RGS7: variants seen among roughly 807,000 people sequenced by gnomAD.
RGS7 encodes regulator of G protein signaling 7.
In RGS7, 27 loss-of-function variants were observed where a neutral mutation model predicts 81.1. That is an observed-to-expected ratio of 0.33 (90% CI 0.25 to 0.46). RGS7 has a LOEUF of 0.46. Ranked by LOEUF, RGS7 falls within the 20% of genes least tolerant of loss-of-function variation. RGS7 has a pLI of 1.00. For missense variants in RGS7, 396 were observed against 607.4 expected (o/e 0.65, Z 3.66); for synonymous variants, 208 against 207.7 (o/e 1.00, Z -0.01).
At chr1:241,124,932 C>T (rs1025809200) in intron 2 of RGS7, among the ~76,000 whole-genome samples, 14 of 152,256 alleles carry the variant, frequency 9.2e-5, no homozygotes, top group African/African-American at 3.4e-4. Flanking sequence ...TGGTTATATA[C>T]AGAAGTGTGA....
At chr1:240,792,134 G>C (rs1014877429) in intron 18 of RGS7, among the ~76,000 whole-genome samples, 3 of 152,186 alleles carry the variant, frequency 2.0e-5, no homozygotes, top group Non-Finnish European at 2.9e-5. Flanking sequence ...AAGTGATAAT[G>C]CAACATAATG....
At chr1:241,348,353 G>A (rs2083036172) in intron 2 of RGS7, among the ~76,000 whole-genome samples, 1 of 152,104 alleles carries the variant, frequency 6.6e-6, no homozygotes, top group Admixed American at 6.5e-5. Flanking sequence ...GGTTCCAAGA[G>A]CTAAACTACA....
At chr1:241,092,253 C>T (rs1233186467) in intron 3 of RGS7, among the ~76,000 whole-genome samples, 1 of 152,258 alleles carries the variant, frequency 6.6e-6, no homozygotes, top group African/African-American at 2.4e-5. Context: ...TAAAATAGTA[C>T]CACAAATGAA....
chr1:240,860,571 A>G (rs1429732577), intron 9 of RGS7, among the ~76,000 whole-genome samples: 2 of 152,136 alleles, frequency 1.3e-5, no homozygotes, highest in East Asian at 3.9e-4. Flanking sequence ...ATTTTAATGG[A>G]TTTGTACACA....
At chr1:241,242,306 GTAGATAGATAGATAGA>G (rs58976335) in intron 2 of RGS7, among the ~76,000 whole-genome samples, 16 of 147,560 alleles carry the variant, frequency 1.1e-4, no homozygotes, top group South Asian at 6.6e-4. Flanking sequence ...CTATGGATGA[GTAGATAGATAGATAGA>G]TAGATAGATA....
At chr1:241,309,360 T>G (rs1284817603) in intron 2 of RGS7, among the ~76,000 whole-genome samples, 6 of 114,214 alleles carry the variant, frequency 5.3e-5, no homozygotes, top group Non-Finnish European at 9.8e-5. Flanking sequence ...CACTCCAGCC[T>G]GGGCAACAAG....
chr1:240,856,793 C>T (rs7550813), intron 9 of RGS7, among the ~76,000 whole-genome samples: 6,465 of 152,096 alleles, frequency 0.043, 440 homozygotes, highest in African/African-American at 0.14. Flanking sequence ...GGATTTCTCA[C>T]AATAATCATA....
intron 18 of RGS7, among the ~76,000 whole-genome samples, chr1:240,788,147 C>G (rs1205910277): frequency 1.6e-4 from 25 of 152,202 alleles, no homozygotes; most frequent in Non-Finnish European, 2.9e-5. Context: ...ACATTTAAGA[C>G]ATCTTTATCA....
chr1:241,087,792 T>C (rs555948210), intron 3 of RGS7, among the ~76,000 whole-genome samples: 44 of 151,770 alleles, frequency 2.9e-4, no homozygotes, highest in Non-Finnish European at 5.9e-4. Context: ...CTACTAAAAC[T>C]ACAAAAATTA....
chr1:240,927,924 C>G (rs191369203), intron 6 of RGS7, among the ~76,000 whole-genome samples: 278 of 152,316 alleles, frequency 1.8e-3, no homozygotes, highest in Non-Finnish European at 2.5e-3. Context: ...TGTGTGGGAA[C>G]AAGAGTGATT....
chr1:241,096,166 C>G (rs935191171), intron 3 of RGS7, among the ~76,000 whole-genome samples: 7 of 152,124 alleles, frequency 4.6e-5, no homozygotes, highest in African/African-American at 1.7e-4. Flanking sequence ...TCATTAGAAG[C>G]TCTGCAGTAG....
chr1:241,223,540 G>C (rs2075135159), intron 2 of RGS7, among the ~76,000 whole-genome samples: 1 of 152,116 alleles, frequency 6.6e-6, no homozygotes, highest in Non-Finnish European at 1.5e-5. Context: ...ATAAGTGGAA[G>C]AGAAAGGAAG....
chr1:241,326,519 C>A (rs553271060), intron 2 of RGS7, among the ~76,000 whole-genome samples: 1 of 152,106 alleles, frequency 6.6e-6, no homozygotes, highest in Non-Finnish European at 1.5e-5. Context: ...TCTTTAAAAA[C>A]TGTGTTTAAT....
chr1:241,123,837 CT>C (rs1302554451), intron 2 of RGS7, among the ~76,000 whole-genome samples: 1 of 152,176 alleles, frequency 6.6e-6, no homozygotes, highest in Non-Finnish European at 1.5e-5. Context: ...TGATGCAGAC[CT>C]ATGTCCTAGT....
At chr1:241,284,380 G>A (rs1386326211) in intron 2 of RGS7, among the ~76,000 whole-genome samples, 1 of 151,962 alleles carries the variant, frequency 6.6e-6, no homozygotes, top group Non-Finnish European at 1.5e-5. Context: ...TGCCACCTAG[G>A]GGTGGGGGGA....
intron 3 of RGS7, among the ~76,000 whole-genome samples, chr1:241,032,788 A>ATT (rs2060142134): frequency 6.6e-6 from 1 of 152,134 alleles, no homozygotes; most frequent in Non-Finnish European, 1.5e-5. Context: ...CTTCATCATT[A>ATT]TTTGTGTATA....
At chr1:240,931,771 G>A (rs765198293) in intron 5 of RGS7, among the ~76,000 whole-genome samples, 1 of 152,066 alleles carries the variant, frequency 6.6e-6, no homozygotes. Flanking sequence ...TCTAGAAACT[G>A]ACTGACTAAA....
At chr1:240,785,469 C>G (rs2102987689) in intron 18 of RGS7, among the ~76,000 whole-genome samples, 1 of 152,334 alleles carries the variant, frequency 6.6e-6, no homozygotes, top group Non-Finnish European at 1.5e-5. Flanking sequence ...TGTAAGTCAT[C>G]TGGCCTGATG....
chr1:241,094,938 AATCTTAGGGGCAACAGAG>A (rs1004928144), intron 3 of RGS7, among the ~76,000 whole-genome samples: 1 of 152,200 alleles, frequency 6.6e-6, no homozygotes, highest in Non-Finnish European at 1.5e-5. Context: ...GACAGCTATC[AATCTTAGGGGCAACAGAG>A]ACTCTCAGCT....
Sources: gnomAD v4.1 joint callset for allele counts (sites outside exome capture counted in the v4.1 genomes callset) on GRCh38, gnomAD v4.1.1 for gene constraint, MANE v1.5 for transcripts, NCBI Gene and HGNC (gene_info 2026-07-23, HGNC 2026-07-21) for gene names.